The following FNBP4 variants were observed in gnomAD, a reference collection of about 807,000 sequenced individuals.
FNBP4 encodes formin-binding protein 4.
In FNBP4, 34 loss-of-function variants were observed where a neutral mutation model predicts 119.3. The ratio of observed to expected loss-of-function variants is 0.28; its 90% CI spans 0.22 to 0.38. FNBP4 has a LOEUF of 0.38. FNBP4 is among the 10% of genes least tolerant of loss of function. The pLI, the probability that FNBP4 is intolerant of heterozygous loss-of-function variation, is 1.00. For missense variants in FNBP4, 1,112 were observed against 1,228.9 expected (o/e 0.90, Z 1.42); for synonymous variants, 462 against 430.6 (o/e 1.07, Z -0.90).
chr11:47,721,287 TAAATA>T (rs1371589104), intron 15 of FNBP4, among the ~76,000 whole-genome samples: 8 of 150,052 alleles, frequency 5.3e-5, no homozygotes, highest in Non-Finnish European at 8.9e-5. Context: ...AATAAATAAA[TAAATA>T]AAATAAAACA....
intron 8 of FNBP4, 81 bp from the exon 9 acceptor site, chr11:47,736,821 C>G (rs2097574791): frequency 8.1e-7 from 1 of 1,234,306 alleles, no homozygotes; most frequent in African/African-American, 1.5e-5. Flanking sequence ...TAGCAGATAT[C>G]TGCAAAAGAT....
At chr11:47,730,622 CAT>C (rs1195532557) in intron 12 of FNBP4, among the ~76,000 whole-genome samples, 3 of 152,228 alleles carry the variant, frequency 2.0e-5, no homozygotes, top group Admixed American at 6.5e-5. Context: ...AGAAACGACT[CAT>C]AGACTCTTGC....
chr11:47,758,835 G>A (rs1315986314), intron 2 of FNBP4, among the ~76,000 whole-genome samples: 1 of 151,850 alleles, frequency 6.6e-6, no homozygotes, highest in Non-Finnish European at 1.5e-5. Flanking sequence ...TTCCAGCCTG[G>A]TGACAGGGCG....
At chr11:47,760,535 G>A (rs1021571826) in intron 2 of FNBP4, among the ~76,000 whole-genome samples, 9 of 151,480 alleles carry the variant, frequency 5.9e-5, no homozygotes, top group African/African-American at 1.2e-4. Flanking sequence ...GTGTTCAAGC[G>A]ATTTTCCTGC....
intron 2 of FNBP4, among the ~76,000 whole-genome samples, chr11:47,760,156 T>C (rs2097630243): frequency 6.6e-6 from 1 of 152,110 alleles, no homozygotes. Flanking sequence ...ATGGACAAAC[T>C]TCTTCTAAAC....
intron 3 of FNBP4, among the ~76,000 whole-genome samples, chr11:47,753,389 T>A (rs1436468029): frequency 1.3e-5 from 2 of 152,098 alleles, no homozygotes; most frequent in African/African-American, 4.8e-5. Flanking sequence ...GGCGGGCGGA[T>A]CACCTGAGGT....
In FNBP4 at chr11:47,731,550, C is replaced by T. The variant is rs2135107843; in HGVS notation, c.1832G>A (p.Arg611Gln). The T allele has an allele frequency of 6.3e-7, 1 of 1,599,916 alleles. No individual in the cohort carries two copies. ...WSCHWDRDHR[R>Q]YFYVNEQSGE... ...CGACTGTTCGTTTACATAGAAATAC[C>T]GTCTATGATCCCTAAATTACAAGAA... Residue 611 changes from arginine to glutamine, a missense_variant, in exon 12 of 17, where the codon CGG becomes CAG. By Grantham distance (43) the Arg-to-Gln change is conservative. Around this residue, in one of 2 missense-constraint regions of FNBP4, gnomAD observed 826 missense variants for 988.8 expected, o/e 0.84. Coordinates refer to ENST00000263773, the MANE Select transcript of FNBP4 (RefSeq NM_015308.5).
chr11:47,749,314 G>A, intron 6 of FNBP4, among the ~76,000 whole-genome samples: 1 of 15,418 alleles, frequency 6.5e-5, no homozygotes, highest in South Asian at 6.8e-3. Context: ...GCTTGTGCCT[G>A]TAATCCCAGC....
chr11:47,727,627 C>A (rs1599168189), intron 12 of FNBP4, among the ~76,000 whole-genome samples: 1 of 152,128 alleles, frequency 6.6e-6, no homozygotes, highest in Non-Finnish European at 1.5e-5. Flanking sequence ...CAGCACATTA[C>A]CCATCTCACA....
chr11:47,765,419 C>G (rs566813737), intron 1 of FNBP4, 57 bp from the exon 2 acceptor site: 2 of 563,780 alleles, frequency 3.5e-6, no homozygotes, highest in Non-Finnish European at 5.4e-6. Flanking sequence ...GAAAAGAAAA[C>G]TGCAGTCAGA....
chr11:47,756,788 T>C (rs1281547664), intron 2 of FNBP4, among the ~76,000 whole-genome samples: 1 of 151,660 alleles, frequency 6.6e-6, no homozygotes, highest in South Asian at 2.1e-4. Context: ...AGTGAGAATA[T>C]GTGGTGTTTG....
rs1436513146 is a variant in FNBP4 at position 47,716,896 on chromosome 11, TAGAACTTATG to T, written c.*516_*525del. On this transcript the variant is annotated 3_prime_UTR_variant, in exon 17 of 17. Transcript: ENST00000263773. Reference sequence around the variant, plus strand: ...TGCGAAACGACCGAGCTACCAGTTCTAGAACTTATGAGAACTACTCTAAAGAGTGTGGCCA... The same window carrying T: ...TGCGAAACGACCGAGCTACCAGTTCTAGAACTACTCTAAAGAGTGTGGCCA... 1 of 152,814 alleles carries T rather than the reference TAGAACTTATG, an allele frequency of 6.5e-6. No individual in the cohort carries two copies. The highest frequency in any genetic ancestry group is 1.5e-5 in the Non-Finnish European group (1 of 68,162). 9.5% of individuals were successfully genotyped at this position (152,814 alleles called of 1,614,324 possible).
chr11:47,717,609 GATCT>G (rs942231507), intron 16 of FNBP4, 97 bp from the exon 17 acceptor site: 112 of 858,822 alleles, frequency 1.3e-4, no homozygotes, highest in Middle Eastern at 3.1e-4. Flanking sequence ...TTAAAAACCT[GATCT>G]ATCACGTCTA....
At chr11:47,743,474 C>A (rs2097585165) in intron 8 of FNBP4, among the ~76,000 whole-genome samples, 1 of 151,752 alleles carries the variant, frequency 6.6e-6, no homozygotes. Context: ...CAGAGTGAGA[C>A]CTCCGTCTCA....
intron 6 of FNBP4, among the ~76,000 whole-genome samples, chr11:47,747,594 A>C (rs747092799): frequency 1.3e-5 from 2 of 152,180 alleles, no homozygotes; most frequent in Non-Finnish European, 2.9e-5. Flanking sequence ...GGCGTGAGCC[A>C]CCATGCTGGG....
At chr11:47,737,701 A>G (rs150857385) in intron 8 of FNBP4, among the ~76,000 whole-genome samples, 1,736 of 149,738 alleles carry the variant, frequency 0.012, 11 homozygotes, top group Non-Finnish European at 0.018. Context: ...CAGCCTCCCA[A>G]TGTGCTGGGA....
At chr11:47,758,081 G>C (rs2097623791) in intron 2 of FNBP4, among the ~76,000 whole-genome samples, 1 of 152,096 alleles carries the variant, frequency 6.6e-6, no homozygotes, top group Non-Finnish European at 1.5e-5. Flanking sequence ...CAAAATGTTA[G>C]GCAAAATTTT....
Position 47,758,348 on chromosome 11 carries a change from C to T in FNBP4, c.314-3684G>A, listed in dbSNP as rs1030291210. Among the ~76,000 whole-genome samples the T allele has an allele frequency of 4.6e-5, 7 of 152,300 alleles. 1 individual carries two copies. The highest frequency in any genetic ancestry group is 6.5e-5 in the Admixed American group (1 of 15,284). On this transcript the variant is annotated intron_variant, in intron 2 of 16. Coordinates refer to ENST00000263773, the MANE Select transcript of FNBP4 (RefSeq NM_015308.5). ...GCCTCAGTCTCCCATGTAGCTAGGA[C>T]TACAGGCCTACGCCACCACACTTGG...
At chr11:47,736,796 A>G in intron 8 of FNBP4, 56 bp from the exon 9 acceptor site, 1 of 1,455,138 alleles carries the variant, frequency 6.9e-7, no homozygotes, top group Non-Finnish European at 9.4e-7. Context: ...AGAACACTAT[A>G]TACCTTTTCC....
Sources: allele counts gnomAD v4.1 joint callset (sites outside exome capture counted in the v4.1 genomes callset), GRCh38; gene constraint gnomAD v4.1.1; regional missense constraint gnomAD v4.1.1; transcripts MANE v1.5; gene names NCBI Gene and HGNC (gene_info 2026-07-23, HGNC 2026-07-21).